BRINP1: variants seen among roughly 807,000 people sequenced by gnomAD.
The protein encoded by BRINP1 is BMP/retinoic acid inducible neural specific 1, also known as BMP/retinoic acid-inducible neural-specific protein 1.
Under a neutral mutation model 72.9 loss-of-function variants are expected in BRINP1, and 17 were observed. The ratio of observed to expected loss-of-function variants is 0.23; its 90% CI spans 0.16 to 0.35. The LOEUF is 0.35. Among genes scored for constraint, BRINP1 ranks in the 10% least tolerant of loss-of-function variants. BRINP1 has a pLI of 1.00. For missense variants in BRINP1, 850 were observed against 1,001.6 expected, an observed-to-expected ratio of 0.85 and a Z score of 2.04; for synonymous variants, 418 against 378.5, an observed-to-expected ratio of 1.10 and a Z score of -1.21.
chr9:119,272,688 C>T (rs1830619856), intron 2 of BRINP1, among the ~76,000 whole-genome samples: 1 of 152,174 alleles, frequency 6.6e-6, no homozygotes, highest in Non-Finnish European at 1.5e-5. Context: ...TATTTCCACA[C>T]CATTTCCTGC....
intron 7 of BRINP1, among the ~76,000 whole-genome samples, chr9:119,173,474 A>C (rs1049775948): frequency 2.0e-5 from 3 of 152,004 alleles, no homozygotes; most frequent in African/African-American, 7.3e-5. Context: ...TGCTCAATGA[A>C]ATAAAAGAGG....
chr9:119,228,941 GATCCATTGAGAAAAAT>G (rs797019018), intron 5 of BRINP1, among the ~76,000 whole-genome samples: 3 of 152,078 alleles, frequency 2.0e-5, no homozygotes, highest in East Asian at 3.9e-4. Flanking sequence ...ATTGAATAAA[GATCCATTGAGAAAAAT>G]ATTAATTACT....
intron 7 of BRINP1, among the ~76,000 whole-genome samples, chr9:119,202,707 A>G (rs748837108): frequency 3.9e-5 from 6 of 152,168 alleles, no homozygotes; most frequent in Non-Finnish European, 8.8e-5. Flanking sequence ...AATCCATCAC[A>G]GTATCCCCAG....
Position 119,208,763 on chromosome 9 carries a change from A to G in BRINP1, c.1101T>C (p.Ser367=), listed in dbSNP as rs141978739. 33 of 1,613,694 alleles carry G rather than the reference A, an allele frequency of 2.0e-5. No homozygotes were observed. In the African/African-American group the frequency reaches 3.9e-4, roughly 19 times the overall value. Residue 367 remains serine (S), a synonymous_variant, in exon 7 of 8, where the codon AGT becomes AGC. Transcript: ENST00000265922. ...QRTARKLFGL[S]VRCRHNPNHQ... Reference sequence around the variant, plus strand: ...GGTTGGGATTGTGGCGACAGCGTACACTGAGGCCGAAAAGCTTGCGGGCAG... The same window carrying G: ...GGTTGGGATTGTGGCGACAGCGTACGCTGAGGCCGAAAAGCTTGCGGGCAG...
chr9:119,175,008 C>G (rs910801375), intron 7 of BRINP1, among the ~76,000 whole-genome samples: 1 of 148,408 alleles, frequency 6.7e-6, no homozygotes. Context: ...GGGAGATATA[C>G]CTAATGCTAG....
At chr9:119,219,996 A>C (rs1233098472) in intron 5 of BRINP1, among the ~76,000 whole-genome samples, 1 of 151,680 alleles carries the variant, frequency 6.6e-6, no homozygotes, top group Non-Finnish European at 1.5e-5. Flanking sequence ...TTTCTTTCTG[A>C]CTAAGGTTCG....
At chr9:119,262,329 A>G (rs1191768440) in intron 2 of BRINP1, among the ~76,000 whole-genome samples, 2 of 151,908 alleles carry the variant, frequency 1.3e-5, no homozygotes, top group Non-Finnish European at 2.9e-5. Context: ...TTCTGCCAAT[A>G]TTTTGTCCTC....
intron 2 of BRINP1, among the ~76,000 whole-genome samples, chr9:119,279,080 G>A (rs1830684113): frequency 6.6e-6 from 1 of 152,162 alleles, no homozygotes; most frequent in Non-Finnish European, 1.5e-5. Context: ...AGTAAAACAA[G>A]TACAGAGCCA....
chr9:119,334,798 A>G (rs1316323734), intron 1 of BRINP1, among the ~76,000 whole-genome samples: 1 of 151,166 alleles, frequency 6.6e-6, no homozygotes, highest in East Asian at 1.9e-4. Flanking sequence ...AGGGGAATAG[A>G]GAGAGAGAGA....
chr9:119,193,519 T>C (rs1290983066), intron 7 of BRINP1, among the ~76,000 whole-genome samples: 1 of 152,050 alleles, frequency 6.6e-6, no homozygotes, highest in Non-Finnish European at 1.5e-5. Context: ...TAATACAGCA[T>C]TGGGGATTGC....
At chr9:119,192,826 C>T (rs1829696076) in intron 7 of BRINP1, among the ~76,000 whole-genome samples, 2 of 151,950 alleles carry the variant, frequency 1.3e-5, no homozygotes, top group African/African-American at 4.8e-5. Flanking sequence ...TTCACAATAG[C>T]CAAGATAAGG....
rs1587969598 is a variant in BRINP1 at position 119,350,319 on chromosome 9, C to A, written c.-51+18737G>T. ...CTGACTTATTGGGTCTGGACAGGGCCTAGATGTACTTACTTTTAAAACAAG... is the reference window on the plus strand; with the variant it reads ...CTGACTTATTGGGTCTGGACAGGGCATAGATGTACTTACTTTTAAAACAAG... On this transcript the variant is annotated intron_variant, in intron 1 of 7. Coordinates refer to ENST00000265922, the MANE Select transcript of BRINP1 (RefSeq NM_014618.3). Among the ~76,000 whole-genome samples, 10 of 152,236 alleles carry A rather than the reference C, an allele frequency of 6.6e-5. No individual in the cohort carries two copies. In the South Asian group the frequency reaches 2.1e-3, roughly 32 times the overall value.
In BRINP1 at chr9:119,308,485, A is replaced by G. The variant is rs558185817; in HGVS notation, c.218+4653T>C. Among the ~76,000 whole-genome samples, 45 of 152,328 alleles carry G rather than the reference A, an allele frequency of 3.0e-4. No homozygotes were observed. The South Asian group carries it at 9.1e-3, about 31-fold the overall frequency. On this transcript the variant is annotated intron_variant, in intron 2 of 7. Coordinates refer to ENST00000265922, the MANE Select transcript of BRINP1 (RefSeq NM_014618.3). ...CAATATCTGGCATATCGAGATGCCT[A>G]ATCTATACTCTTGAATGACTGCTGT...
At chr9:119,279,145 A>T (rs1830684551) in intron 2 of BRINP1, among the ~76,000 whole-genome samples, 1 of 152,206 alleles carries the variant, frequency 6.6e-6, no homozygotes, top group South Asian at 2.1e-4. Context: ...CACAAGAGAG[A>T]AATAAAATAA....
chr9:119,189,018 CAT>C (rs1564212848), intron 7 of BRINP1, among the ~76,000 whole-genome samples: 1 of 152,006 alleles, frequency 6.6e-6, no homozygotes, highest in Non-Finnish European at 1.5e-5. Context: ...CAGTATAAAA[CAT>C]ATAAATTGTG....
chr9:119,272,348 G>T (rs570583758), intron 2 of BRINP1, among the ~76,000 whole-genome samples: 2 of 152,068 alleles, frequency 1.3e-5, no homozygotes, highest in East Asian at 3.9e-4. Context: ...CTCCCAAAGC[G>T]CTGGGATTAT....
intron 2 of BRINP1, among the ~76,000 whole-genome samples, chr9:119,253,804 G>C (rs1830418196): frequency 6.6e-6 from 1 of 152,118 alleles, no homozygotes; most frequent in South Asian, 2.1e-4. Context: ...AATGATAAGA[G>C]CTAAAGGCAG....
chr9:119,351,810 AT>A (rs201372846), intron 1 of BRINP1, among the ~76,000 whole-genome samples: 2 of 122,218 alleles, frequency 1.6e-5, no homozygotes, highest in Admixed American at 7.9e-5. Flanking sequence ...TTCTCTTTTT[AT>A]TTTTTTATTT....
chr9:119,175,336 A>G (rs533124444), intron 7 of BRINP1, among the ~76,000 whole-genome samples: 43 of 151,944 alleles, frequency 2.8e-4, no homozygotes, highest in Non-Finnish European at 5.3e-4. Context: ...ACACATGGAC[A>G]CAGGGAGGGG....
Sources: gnomAD v4.1 joint callset for allele counts (sites outside exome capture counted in the v4.1 genomes callset) on GRCh38, gnomAD v4.1.1 for gene constraint, MANE v1.5 for transcripts, NCBI Gene and HGNC (gene_info 2026-07-23, HGNC 2026-07-21) for gene names.